Variants in GRIN2A observed in about 807,000 individuals in gnomAD.
GRIN2A encodes the protein glutamate receptor ionotropic, NMDA 2A.
In GRIN2A, 22 loss-of-function variants were observed where a neutral mutation model predicts 113.4. The ratio of observed to expected loss-of-function variants is 0.19; its 90% CI spans 0.14 to 0.28. GRIN2A has a LOEUF of 0.28. Ranked by LOEUF, GRIN2A falls within the 10% of genes least tolerant of loss-of-function variation. The probability of loss-of-function intolerance (pLI) is 1.00; values close to 1 mark genes in which losing one functional copy is unlikely to be tolerated. For missense variants in GRIN2A, 1,502 were observed against 1,887.0 expected, an observed-to-expected ratio of 0.80 and a Z score of 3.78; for synonymous variants, 827 against 738.4, an observed-to-expected ratio of 1.12 and a Z score of -1.94.
chr16:9,869,927 C>T (rs1311739333), intron 4 of GRIN2A, among the ~76,000 whole-genome samples: 1 of 152,208 alleles, frequency 6.6e-6, no homozygotes, highest in Non-Finnish European at 1.5e-5. Flanking sequence ...ATGGAGGACA[C>T]TGGCACAACT....
chr16:9,876,200 G>C (rs1302853894), intron 4 of GRIN2A, among the ~76,000 whole-genome samples: 1 of 152,144 alleles, frequency 6.6e-6, no homozygotes, highest in Middle Eastern at 3.2e-3. Flanking sequence ...AATTGCACTG[G>C]AATGGCCTCT....
Position 9,763,732 on chromosome 16 carries a change from C to T in GRIN2A, c.3812G>A (p.Trp1271Ter), listed in dbSNP as rs267604686. The change falls in exon 13 of 13, where the codon TGG (tryptophan) becomes TAG (stop). Residue 1271 changes from tryptophan to a stop codon, truncating the protein, a stop_gained. Transcript: ENST00000330684. LOFTEE classifies it high-confidence loss of function. ...ATGEQVYQQD[W>*]AQNNALQLQK... The stretch of plus-strand genomic sequence containing the variant: ...TAATTGAAGGGCATTGTTCTGTGCC[C>T]AGTCCTGCTGGTAGACCTGCTCCCC... The T allele has an allele frequency of 1.2e-6, 2 of 1,614,112 alleles. No homozygotes were observed. The highest frequency in any genetic ancestry group is 1.7e-6 in the Non-Finnish European group (2 of 1,179,998).
At chr16:9,795,743 C>A (rs1902944174) in intron 11 of GRIN2A, among the ~76,000 whole-genome samples, 1 of 152,186 alleles carries the variant, frequency 6.6e-6, no homozygotes, top group Non-Finnish European at 1.5e-5. Context: ...TGTACCCTTT[C>A]ACAGATGAAT....
At chr16:9,794,205 C>A (rs141469507) in intron 11 of GRIN2A, among the ~76,000 whole-genome samples, 162 of 152,306 alleles carry the variant, frequency 1.1e-3, no homozygotes, top group Non-Finnish European at 1.9e-3. Context: ...GATGAACAGC[C>A]TTTTTCCTAG....
chr16:9,980,248 G>A (rs1451783144), intron 2 of GRIN2A, among the ~76,000 whole-genome samples: 1 of 151,468 alleles, frequency 6.6e-6, no homozygotes, highest in Non-Finnish European at 1.5e-5. Flanking sequence ...ACTCCAGCCT[G>A]GACAACAGAG....
At chr16:10,097,964 C>T (rs1303482243) in intron 2 of GRIN2A, among the ~76,000 whole-genome samples, 3 of 152,168 alleles carry the variant, frequency 2.0e-5, no homozygotes, top group South Asian at 2.1e-4. Context: ...AACTAAAGAG[C>T]TTCTGCACAG....
chr16:10,175,350 T>A lies in GRIN2A; in HGVS notation c.414+4648A>T, dbSNP rs377019033. Among the ~76,000 whole-genome samples the A allele has an allele frequency of 7.2e-5, 11 of 152,120 alleles. No homozygotes were observed. The East Asian group carries it at 7.7e-4, about 11-fold the overall frequency. ...TAGCGGCTGAGATTTTCTCCAGAAT[T>A]AAAGAAAATCTTGAATCCTCTAAGA... On this transcript the variant is annotated intron_variant, in intron 2 of 12. Coordinates refer to ENST00000330684, the MANE Select transcript of GRIN2A (RefSeq NM_001134407.3).
At position 9,968,669 on chromosome 16, in the gene GRIN2A, G is replaced by A. The variant is rs1051428982; in HGVS notation, c.415-30118C>T. On this transcript the variant is annotated intron_variant, in intron 2 of 12. Transcript: ENST00000330684. ...GTTACCCAGGCGGGAGTGCGGTGGC[G>A]TGATCTCGGCTCACTGCAACCCCTG... Among the ~76,000 whole-genome samples the A allele has an allele frequency of 9.9e-5, 15 of 151,006 alleles. No individual in the cohort carries two copies. The East Asian group carries it at 1.8e-3, about 18-fold the overall frequency.
At chr16:10,074,010 G>A (rs1019193020) in intron 2 of GRIN2A, among the ~76,000 whole-genome samples, 3 of 151,228 alleles carry the variant, frequency 2.0e-5, no homozygotes, top group Non-Finnish European at 4.4e-5. Context: ...AGGGTACATA[G>A]AGAACACTCA....
intron 4 of GRIN2A, among the ~76,000 whole-genome samples, chr16:9,875,023 G>C (rs894991485): frequency 2.0e-5 from 3 of 151,710 alleles, no homozygotes; most frequent in African/African-American, 4.8e-5. Flanking sequence ...AGGAGGTCGA[G>C]GCCTGCAGTG....
chr16:9,903,313 A>G (rs2043969765), intron 3 of GRIN2A, among the ~76,000 whole-genome samples: 1 of 152,028 alleles, frequency 6.6e-6, no homozygotes. Flanking sequence ...GCACTTAGCA[A>G]TACATTGCCT....
At chr16:10,116,222 G>A (rs1302744191) in intron 2 of GRIN2A, among the ~76,000 whole-genome samples, 1 of 152,196 alleles carries the variant, frequency 6.6e-6, no homozygotes, top group Non-Finnish European at 1.5e-5. Context: ...CACAGGAACA[G>A]AAAACCAAAA....
chr16:9,942,099 G>T (rs935140756), intron 2 of GRIN2A, among the ~76,000 whole-genome samples: 1 of 152,138 alleles, frequency 6.6e-6, no homozygotes, highest in African/African-American at 2.4e-5. Context: ...TTCACATCAG[G>T]AGATCATGCT....
chr16:9,970,217 T>C (rs1299031460), intron 2 of GRIN2A, among the ~76,000 whole-genome samples: 1 of 152,260 alleles, frequency 6.6e-6, no homozygotes, highest in African/African-American at 2.4e-5. Flanking sequence ...ACTTGTTTTC[T>C]CTTTATTAGC....
chr16:9,837,034 G>A (rs1304914719), intron 7 of GRIN2A, among the ~76,000 whole-genome samples: 3 of 152,210 alleles, frequency 2.0e-5, no homozygotes, highest in Admixed American at 2.0e-4. Flanking sequence ...TGCTTCTGAT[G>A]TGAGTTAATG....
At chr16:10,085,682 G>A (rs562773221) in intron 2 of GRIN2A, among the ~76,000 whole-genome samples, 5 of 152,232 alleles carry the variant, frequency 3.3e-5, no homozygotes, top group African/African-American at 1.2e-4. Context: ...CTTTTGAGAT[G>A]GCCTGTTTCT....
At chr16:9,970,822 C>T (rs927683864) in intron 2 of GRIN2A, 8 of 450,540 alleles carry the variant, frequency 1.8e-5, no homozygotes, top group East Asian at 3.1e-4. Context: ...CCCTGAGAAA[C>T]GCAGACTGGT....
intron 2 of GRIN2A, among the ~76,000 whole-genome samples, chr16:10,034,656 T>C (rs980137741): frequency 1.3e-5 from 2 of 149,386 alleles, no homozygotes; most frequent in Non-Finnish European, 3.0e-5. Context: ...GTGTCACTCA[T>C]CTTTAATAGT....
At position 10,112,191 on chromosome 16, in the gene GRIN2A, G is replaced by T. The variant is rs1383306970; in HGVS notation, c.414+67807C>A. On this transcript the variant is annotated intron_variant, in intron 2 of 12. Transcript: ENST00000330684. ...CACCTGGGTAGGCATCAACGTCATA[G>T]TCTTGGACTCCTCCCAAGGGAACTC... 6 of 590,004 alleles carry T rather than the reference G, an allele frequency of 1.0e-5. No homozygotes were observed. The East Asian group carries it at 2.1e-4, about 20-fold the overall frequency. The allele number at this position is 590,004 out of a possible 1,614,324, so 36.5% of individuals were successfully genotyped here. A position where few individuals can be genotyped will look rare whatever the true frequency, so the allele number is the denominator to read the frequency against.
Sources: gnomAD v4.1 joint callset for allele counts (sites outside exome capture counted in the v4.1 genomes callset) on GRCh38, gnomAD v4.1.1 for gene constraint, MANE v1.5 for transcripts, NCBI Gene and HGNC (gene_info 2026-07-23, HGNC 2026-07-21) for gene names.